HDAC9: variants seen among roughly 807,000 people sequenced by gnomAD.
HDAC9 encodes the protein histone deacetylase 9.
Under a neutral mutation model 139.4 loss-of-function variants are expected in HDAC9, and 41 were observed. That is an observed-to-expected ratio of 0.29 (90% CI 0.23 to 0.38). HDAC9 has a LOEUF of 0.38. Among genes scored for constraint, HDAC9 ranks in the 10% least tolerant of loss-of-function variants. The pLI is 1.00. For synonymous variants in HDAC9, 517 were observed against 476.2 expected (o/e 1.09, Z -1.12); for missense variants, 1,147 against 1,297.0 (o/e 0.88, Z 1.78).
chr7:18,614,311 T>TTCC (rs1286631246), intron 6 of HDAC9, among the ~76,000 whole-genome samples: 1 of 152,122 alleles, frequency 6.6e-6, no homozygotes, highest in Non-Finnish European at 1.5e-5. Flanking sequence ...ACCGCAAGAC[T>TTCC]TCCTCCTCCT....
intron 23 of HDAC9, among the ~76,000 whole-genome samples, chr7:18,940,979 T>C: frequency 6.6e-6 from 1 of 152,130 alleles, no homozygotes; most frequent in Non-Finnish European, 1.5e-5. Context: ...GAATAAATGA[T>C]GATTTCTAAG....
At chr7:18,160,820 C>T (rs1787577739) in intron 1 of HDAC9, among the ~76,000 whole-genome samples, 1 of 151,908 alleles carries the variant, frequency 6.6e-6, no homozygotes, top group Non-Finnish European at 1.5e-5. Flanking sequence ...GTTTCACAAT[C>T]TTGGCCAGGC....
intron 7 of HDAC9, among the ~76,000 whole-genome samples, chr7:18,631,869 C>A (rs906819017): frequency 1.3e-5 from 2 of 152,022 alleles, no homozygotes; most frequent in African/African-American, 4.8e-5. Context: ...TTGCTATCTT[C>A]TCCCAGATCC....
At chr7:18,707,340 A>T (rs1375738562) in intron 12 of HDAC9, among the ~76,000 whole-genome samples, 1 of 152,244 alleles carries the variant, frequency 6.6e-6, no homozygotes, top group Admixed American at 6.5e-5. Context: ...GTGATGGAGG[A>T]TAGATTGTCC....
At chr7:18,157,471 T>C (rs1787296572) in intron 1 of HDAC9, among the ~76,000 whole-genome samples, 1 of 152,172 alleles carries the variant, frequency 6.6e-6, no homozygotes, top group Non-Finnish European at 1.5e-5. Context: ...TATTTATACA[T>C]TCCCTGGAGG....
chr7:18,227,102 A>G (rs1260816727), intron 2 of HDAC9, among the ~76,000 whole-genome samples: 1 of 152,216 alleles, frequency 6.6e-6, no homozygotes, highest in African/African-American at 2.4e-5. Flanking sequence ...TAAGAAAGTT[A>G]GATGGGTGCA....
intron 22 of HDAC9, among the ~76,000 whole-genome samples, chr7:18,914,193 C>T (rs1189301333): frequency 6.6e-6 from 1 of 151,650 alleles, no homozygotes; most frequent in African/African-American, 2.4e-5. Context: ...TCACCCAGTA[C>T]TGAATCTCCT....
intron 12 of HDAC9, among the ~76,000 whole-genome samples, chr7:18,716,228 A>G (rs1784689417): frequency 6.6e-6 from 1 of 152,148 alleles, no homozygotes; most frequent in African/African-American, 2.4e-5. Context: ...CCATTGTACA[A>G]TTTCATCCCT....
At chr7:18,799,659 G>A (rs1178317096) in intron 17 of HDAC9, among the ~76,000 whole-genome samples, 1 of 152,074 alleles carries the variant, frequency 6.6e-6, no homozygotes, top group African/African-American at 2.4e-5. Context: ...TTACTAGAAG[G>A]GCTTAGTAGA....
At chr7:18,756,790 T>A (rs1423156485) in intron 14 of HDAC9, among the ~76,000 whole-genome samples, 2 of 152,128 alleles carry the variant, frequency 1.3e-5, no homozygotes, top group Non-Finnish European at 2.9e-5. Flanking sequence ...CAATTCTCTT[T>A]TTTTCCATGT....
In HDAC9 at chr7:18,967,357, T is replaced by C. The variant is rs562365949; in HGVS notation, c.3023-8449T>C. Among the ~76,000 whole-genome samples the C allele has an allele frequency of 3.3e-5, 5 of 152,334 alleles. No individual in the cohort carries two copies. In the South Asian group the frequency reaches 1.0e-3, roughly 32 times the overall value. ...GAGTGACGTAATAATTCTTCTTTCT[T>C]GACTCCATTAGTATCATTTCTTGCT... On this transcript the variant is annotated intron_variant, in intron 24 of 25. Transcript: ENST00000686413.
rs114691257 is a variant in HDAC9 at position 18,897,678 on chromosome 7, T to C, written c.2803+23082T>C. On this transcript the variant is annotated intron_variant, in intron 22 of 25. Transcript: ENST00000686413. The stretch of plus-strand genomic sequence containing the variant: ...TGGGCTATAATTCTCTACATAATAT[T>C]TTAAGAATTGGAGTCTACTTAAAGA... Among the ~76,000 whole-genome samples, 334 of 152,038 alleles carry C rather than the reference T, an allele frequency of 2.2e-3. 3 individuals carry two copies. Among genetic ancestry groups the C allele is most frequent in the African/African-American group, 7.5e-3 (313 of 41,530 alleles).
intron 1 of HDAC9, among the ~76,000 whole-genome samples, chr7:18,133,354 C>T (rs1785151908): frequency 6.6e-6 from 1 of 152,126 alleles, no homozygotes; most frequent in Non-Finnish European, 1.5e-5. Context: ...AAAAAATCCA[C>T]TGAGCATTTA....
At chr7:18,177,470 C>T (rs1789012828) in intron 2 of HDAC9, among the ~76,000 whole-genome samples, 1 of 152,120 alleles carries the variant, frequency 6.6e-6, no homozygotes, top group South Asian at 2.1e-4. Flanking sequence ...CCTCAATGAA[C>T]CCCACTCTGT....
At chr7:18,928,478 T>C (rs1008623460) in intron 22 of HDAC9, among the ~76,000 whole-genome samples, 2 of 152,226 alleles carry the variant, frequency 1.3e-5, no homozygotes, top group South Asian at 4.1e-4. Flanking sequence ...TAATAATACA[T>C]AATAACACTA....
chr7:18,137,199 T>G (rs1313242517), intron 1 of HDAC9, among the ~76,000 whole-genome samples: 1 of 121,850 alleles, frequency 8.2e-6, no homozygotes, highest in Non-Finnish European at 1.7e-5. Flanking sequence ...TTAAGGAGAT[T>G]TTGGGCTGAG....
chr7:18,553,327 G>T (rs1817721927), intron 2 of HDAC9, among the ~76,000 whole-genome samples: 2 of 152,146 alleles, frequency 1.3e-5, no homozygotes, highest in African/African-American at 4.8e-5. Flanking sequence ...AGAACCCTAT[G>T]TTTTTAGGGT....
At chr7:18,649,582 C>A (rs1012961254) in intron 11 of HDAC9, among the ~76,000 whole-genome samples, 1 of 152,104 alleles carries the variant, frequency 6.6e-6, no homozygotes, top group Admixed American at 6.5e-5. Context: ...ATAGCTAAAA[C>A]CTGGCTTAGT....
intron 22 of HDAC9, among the ~76,000 whole-genome samples, chr7:18,887,108 G>A (rs1800223383): frequency 6.6e-6 from 1 of 152,148 alleles, no homozygotes. Context: ...TTGGGGAATG[G>A]ACGTGCAGCT....
Sources: gnomAD v4.1 joint callset for allele counts (sites outside exome capture counted in the v4.1 genomes callset) on GRCh38, gnomAD v4.1.1 for gene constraint, MANE v1.5 for transcripts, NCBI Gene and HGNC (gene_info 2026-07-23, HGNC 2026-07-21) for gene names.